Variants in NTM observed in about 807,000 individuals in gnomAD.
The protein encoded by NTM is neurotrimin.
A neutral mutation model predicts 42.1 loss-of-function variants in NTM; 13 were observed. That is an observed-to-expected ratio of 0.31 (90% CI 0.20 to 0.49). NTM has a LOEUF of 0.49. Ranked by LOEUF, NTM falls within the 20% of genes least tolerant of loss-of-function variation. The pLI is 0.99. For synonymous variants in NTM, 187 were observed against 179.2 expected, an observed-to-expected ratio of 1.04 and a Z score of -0.35; for missense variants, 373 against 452.8, an observed-to-expected ratio of 0.82 and a Z score of 1.60.
chr11:131,410,958 C>T (rs1167262219), intron 1 of NTM, among the ~76,000 whole-genome samples: 1 of 152,150 alleles, frequency 6.6e-6, no homozygotes, highest in African/African-American at 2.4e-5. Context: ...AACACTACAG[C>T]GTTGGTTAAG....
chr11:132,015,249 A>T (rs1170232834), intron 2 of NTM, among the ~76,000 whole-genome samples: 2 of 151,990 alleles, frequency 1.3e-5, no homozygotes, highest in Non-Finnish European at 2.9e-5. Flanking sequence ...CCATTGAATT[A>T]TGTGTCTGAT....
At chr11:131,494,700 A>T (rs911513436) in intron 1 of NTM, among the ~76,000 whole-genome samples, 1 of 152,220 alleles carries the variant, frequency 6.6e-6, no homozygotes, top group Admixed American at 6.5e-5. Context: ...TGAAAAAAAA[A>T]TATCTCCTAC....
At chr11:131,830,773 T>C (rs1447741263) in intron 1 of NTM, among the ~76,000 whole-genome samples, 1 of 152,240 alleles carries the variant, frequency 6.6e-6, no homozygotes, top group African/African-American at 2.4e-5. Flanking sequence ...ATGGCCATTT[T>C]AACAATATCG....
At chr11:131,946,322 A>G (rs1202816149) in intron 2 of NTM, among the ~76,000 whole-genome samples, 1 of 152,166 alleles carries the variant, frequency 6.6e-6, no homozygotes, top group Non-Finnish European at 1.5e-5. Flanking sequence ...ACCTGGAAGC[A>G]TTAGTCTAAA....
intron 1 of NTM, among the ~76,000 whole-genome samples, chr11:131,543,526 G>A (rs1271900204): frequency 3.9e-5 from 6 of 152,204 alleles, no homozygotes; most frequent in Non-Finnish European, 5.9e-5. Context: ...TAGGGAGAAA[G>A]TTGCTACAAC....
intron 2 of NTM, among the ~76,000 whole-genome samples, chr11:131,954,259 C>T (rs1040194776): frequency 1.3e-4 from 20 of 152,294 alleles, no homozygotes; most frequent in Non-Finnish European, 2.6e-4. Context: ...CAGGAGGCCT[C>T]GGTAGATGTG....
At chr11:131,382,579 G>T (rs1942821887) in intron 1 of NTM, among the ~76,000 whole-genome samples, 2 of 152,032 alleles carry the variant, frequency 1.3e-5, no homozygotes, top group African/African-American at 2.4e-5. Context: ...ACAAAACTTT[G>T]CCCCTCCCTA....
At chr11:132,326,415 T>C (rs979352356) in intron 7 of NTM, among the ~76,000 whole-genome samples, 4 of 152,140 alleles carry the variant, frequency 2.6e-5, no homozygotes, top group South Asian at 4.1e-4. Context: ...GCAAAGTCAA[T>C]TGCAGGAAAA....
chr11:132,227,666 C>T (rs2086609843), intron 4 of NTM, among the ~76,000 whole-genome samples: 1 of 152,132 alleles, frequency 6.6e-6, no homozygotes, highest in African/African-American at 2.4e-5. Context: ...ACATTTTGAT[C>T]TTCAGCCAAA....
chr11:131,785,480 A>G (rs2088987678), intron 1 of NTM, among the ~76,000 whole-genome samples: 1 of 152,238 alleles, frequency 6.6e-6, no homozygotes, highest in African/African-American at 2.4e-5. Context: ...TAACAAAGAA[A>G]TTATGTAGTA....
In NTM at chr11:131,806,724, G is replaced by A. The variant is rs572791109; in HGVS notation, c.83-104840G>A. On this transcript the variant is annotated intron_variant, in intron 1 of 8. Transcript: ENST00000683400. ...CTCTTCACACACATCTCACCGTATC[G>A]GTCATGTCACAGATGACACACACTC... 5.8e-4 allele frequency among the ~76,000 whole-genome samples: 88 copies of A among 152,056 alleles called. No individual in the cohort carries two copies. In the South Asian group the frequency reaches 0.017, roughly 30 times the overall value.
At chr11:132,023,988 T>A (rs1312991826) in intron 2 of NTM, among the ~76,000 whole-genome samples, 1 of 151,876 alleles carries the variant, frequency 6.6e-6, no homozygotes, top group Non-Finnish European at 1.5e-5. Flanking sequence ...CCAGCTAATT[T>A]TTTTGTATTT....
At chr11:131,903,802 A>G (rs1206259498) in intron 1 of NTM, among the ~76,000 whole-genome samples, 1 of 152,162 alleles carries the variant, frequency 6.6e-6, no homozygotes, top group Non-Finnish European at 1.5e-5. Flanking sequence ...TTAGGGCTGG[A>G]ATTCCAGACC....
At chr11:132,033,341 C>T (rs942830004) in intron 2 of NTM, among the ~76,000 whole-genome samples, 1 of 152,286 alleles carries the variant, frequency 6.6e-6, no homozygotes, top group East Asian at 1.9e-4. Context: ...TGGCAATCTG[C>T]CTAGCTGAAG....
intron 3 of NTM, among the ~76,000 whole-genome samples, chr11:132,190,751 A>G (rs58882249): frequency 0.076 from 11,511 of 151,230 alleles, 891 homozygotes; most frequent in African/African-American, 0.19. Flanking sequence ...AAAAAAAAAA[A>G]AAAGAGACAG....
At chr11:131,486,195 G>A (rs1247516403) in intron 1 of NTM, among the ~76,000 whole-genome samples, 1 of 152,182 alleles carries the variant, frequency 6.6e-6, no homozygotes, top group Non-Finnish European at 1.5e-5. Context: ...GTTCAGAAAA[G>A]AAGACAAACA....
chr11:131,721,569 G>A (rs900623392), intron 1 of NTM, among the ~76,000 whole-genome samples: 1 of 151,984 alleles, frequency 6.6e-6, no homozygotes, highest in African/African-American at 2.4e-5. Context: ...GAGTAGATTT[G>A]AGCTCCACGT....
intron 1 of NTM, chr11:131,536,756 G>A (rs365491): frequency 0.71 from 108,559 of 152,160 alleles, 40,510 homozygotes; most frequent in Non-Finnish European, 0.83. Context: ...AGAGGCACAC[G>A]TCTGGATGGA....
intron 1 of NTM, among the ~76,000 whole-genome samples, chr11:131,749,968 C>T (rs1288277417): frequency 6.6e-6 from 1 of 152,184 alleles, no homozygotes; most frequent in Non-Finnish European, 1.5e-5. Flanking sequence ...GTGTTTCTCG[C>T]ATTGGGCAGA....
Sources: allele counts gnomAD v4.1 joint callset (sites outside exome capture counted in the v4.1 genomes callset), GRCh38; gene constraint gnomAD v4.1.1; transcripts MANE v1.5; gene names NCBI Gene and HGNC (gene_info 2026-07-23, HGNC 2026-07-21).